PRKCE: variants seen among roughly 807,000 people sequenced by gnomAD.
PRKCE encodes the protein protein kinase C epsilon type.
A neutral mutation model predicts 85.4 loss-of-function variants in PRKCE; 16 were observed. The observed-to-expected ratio is 0.19, with a 90% CI of 0.13 to 0.28. PRKCE has a LOEUF of 0.28. Ranked by LOEUF, PRKCE falls within the 10% of genes least tolerant of loss-of-function variation. PRKCE has a pLI of 1.00. For missense variants in PRKCE, 573 were observed against 975.2 expected, an observed-to-expected ratio of 0.59 and a Z score of 5.49; for synonymous variants, 388 against 371.5, an observed-to-expected ratio of 1.04 and a Z score of -0.51.
At chr2:45,737,146 T>G (rs2104604014) in intron 1 of PRKCE, among the ~76,000 whole-genome samples, 1 of 152,236 alleles carries the variant, frequency 6.6e-6, no homozygotes, top group East Asian at 1.9e-4. Flanking sequence ...AGTGTGGTTA[T>G]GCTAGCCTTG....
At chr2:46,167,126 A>AGAGTTAAGAATTGC (rs1471064451) in intron 14 of PRKCE, among the ~76,000 whole-genome samples, 1 of 152,196 alleles carries the variant, frequency 6.6e-6, no homozygotes, top group Non-Finnish European at 1.5e-5. Context: ...CCCAAACTCC[A>AGAGTTAAGAATTGC]AGAATCAAGA....
At chr2:45,928,711 C>G (rs1037410706) in intron 2 of PRKCE, among the ~76,000 whole-genome samples, 17 of 152,220 alleles carry the variant, frequency 1.1e-4, no homozygotes, top group African/African-American at 3.9e-4. Context: ...AGAGATGAGG[C>G]TGGGACAAGC....
intron 2 of PRKCE, among the ~76,000 whole-genome samples, chr2:45,910,286 C>T (rs1325578196): frequency 1.3e-5 from 2 of 152,148 alleles, no homozygotes; most frequent in African/African-American, 4.8e-5. Context: ...GTCCCAGTGG[C>T]TGTGTGCAGA....
intron 11 of PRKCE, among the ~76,000 whole-genome samples, chr2:46,132,455 A>G (rs958997179): frequency 3.3e-5 from 5 of 152,154 alleles, no homozygotes; most frequent in African/African-American, 1.2e-4. Flanking sequence ...CCTTCCTGGT[A>G]TGTCATAAGT....
chr2:45,804,945 C>T (rs1225317144), intron 1 of PRKCE, among the ~76,000 whole-genome samples: 7 of 133,508 alleles, frequency 5.2e-5, no homozygotes, highest in South Asian at 2.5e-4. Context: ...AACTCATCAA[C>T]TTTTTTTTTT....
At chr2:45,685,491 G>C (rs1382500124) in intron 1 of PRKCE, 1 of 152,082 alleles carries the variant, frequency 6.6e-6, no homozygotes, top group Non-Finnish European at 1.5e-5. Flanking sequence ...GGGAGTGTCA[G>C]GGAAGTTAAC....
At chr2:46,180,092 A>T (rs920594668) in intron 14 of PRKCE, among the ~76,000 whole-genome samples, 1 of 152,220 alleles carries the variant, frequency 6.6e-6, no homozygotes, top group Non-Finnish European at 1.5e-5. Flanking sequence ...AGTTGAAAAG[A>T]AGAGGCCTCC....
At chr2:45,693,775 G>A (rs1435907387) in intron 1 of PRKCE, among the ~76,000 whole-genome samples, 1 of 152,100 alleles carries the variant, frequency 6.6e-6, no homozygotes. Flanking sequence ...GGAGAAGTGA[G>A]AAGGCATGGA....
intron 10 of PRKCE, among the ~76,000 whole-genome samples, chr2:46,015,691 C>CAAAAAAAAAAAAAAA (rs749060776): frequency 8.7e-5 from 7 of 80,796 alleles, no homozygotes; most frequent in South Asian, 4.3e-4. Context: ...AACACTAAAC[C>CAAAAAAAAAAAAAAA]AAAAAAAAAA....
At chr2:45,710,557 C>G (rs1156749974) in intron 1 of PRKCE, among the ~76,000 whole-genome samples, 1 of 152,214 alleles carries the variant, frequency 6.6e-6, no homozygotes, top group Non-Finnish European at 1.5e-5. Flanking sequence ...CTTTGTGAAG[C>G]CTGTCCATAG....
rs1553440407 is a variant in PRKCE, at chr2:45,885,002, T to TATTTTTTGTTG, written c.412+41939_412+41940insATTTTTTGTTG. Among the ~76,000 whole-genome samples the TATTTTTTGTTG allele has an allele frequency of 4.1e-5, 4 of 97,642 alleles. 1 individual carries two copies. Among genetic ancestry groups the TATTTTTTGTTG allele is most frequent in the Non-Finnish European group, 8.4e-5 (4 of 47,622 alleles). The allele number at this position is 97,642 out of a possible 152,430, so 64.1% of individuals were successfully genotyped here. On this transcript the variant is annotated intron_variant, in intron 2 of 14. Coordinates refer to ENST00000306156, the MANE Select transcript of PRKCE (RefSeq NM_005400.3). The stretch of plus-strand genomic sequence containing the variant: ...ATATATATATATATATATATATATA[T>TATTTTTTGTTG]TTGTTGTTGTTGTTGTTGTTTTACC...
intron 10 of PRKCE, among the ~76,000 whole-genome samples, chr2:46,052,622 C>T (rs1176341644): frequency 6.6e-6 from 1 of 152,186 alleles, no homozygotes; most frequent in African/African-American, 2.4e-5. Flanking sequence ...CAGCAGAGTT[C>T]TTGGCAAAAA....
chr2:45,657,059 A>C (rs1179732713), intron 1 of PRKCE, among the ~76,000 whole-genome samples: 1 of 152,218 alleles, frequency 6.6e-6, no homozygotes, highest in Non-Finnish European at 1.5e-5. Context: ...CATGCAGGTG[A>C]CAGCTAGCTG....
intron 2 of PRKCE, among the ~76,000 whole-genome samples, chr2:45,862,343 C>T (rs1483663399): frequency 6.6e-6 from 1 of 152,198 alleles, no homozygotes; most frequent in African/African-American, 2.4e-5. Flanking sequence ...GTCTCACCAC[C>T]TCCATGTCAC....
At chr2:46,144,031 G>T (rs1195159890) in intron 11 of PRKCE, among the ~76,000 whole-genome samples, 1 of 152,212 alleles carries the variant, frequency 6.6e-6, no homozygotes, top group Admixed American at 6.5e-5. Context: ...CTGTTGCGGG[G>T]AGCCCAAGGT....
intron 14 of PRKCE, among the ~76,000 whole-genome samples, chr2:46,183,422 T>C (rs1022458629): frequency 6.6e-6 from 1 of 152,236 alleles, no homozygotes; most frequent in African/African-American, 2.4e-5. Flanking sequence ...CAAATAATAA[T>C]GTGAATCTTT....
chr2:46,010,619 TAAAGTGGGATGGGTTTTACCCTTGAA>T (rs1308240221), intron 10 of PRKCE, 102 bp downstream of exon 10: 11 of 1,599,136 alleles, frequency 6.9e-6, no homozygotes, highest in African/African-American at 2.7e-5. Flanking sequence ...AAAGACTTTG[TAAAGTGGGATGGGTTTTACCCTTGAA>T]AAGATCAGGA....
intron 2 of PRKCE, among the ~76,000 whole-genome samples, chr2:45,877,709 C>G (rs757274194): frequency 2.0e-5 from 3 of 151,778 alleles, no homozygotes; most frequent in Admixed American, 6.6e-5. Context: ...CACCTGAAGT[C>G]TTTTGTTGTT....
At chr2:45,915,520 G>C (rs1433662103) in intron 2 of PRKCE, among the ~76,000 whole-genome samples, 1 of 152,140 alleles carries the variant, frequency 6.6e-6, no homozygotes, top group Non-Finnish European at 1.5e-5. Flanking sequence ...TAGAGATTTA[G>C]GTTATTTTGG....
Sources: allele counts gnomAD v4.1 joint callset (sites outside exome capture counted in the v4.1 genomes callset), GRCh38; gene constraint gnomAD v4.1.1; transcripts MANE v1.5; gene names NCBI Gene and HGNC (gene_info 2026-07-23, HGNC 2026-07-21).